Variants in ZNF577 observed in about 807,000 individuals in gnomAD.
ZNF577 encodes the protein zinc finger protein 577.
Under a neutral mutation model 13.9 loss-of-function variants are expected in ZNF577, and 14 were observed. The observed-to-expected ratio is 1.00, with a 90% CI of 0.66 to 1.57. The LOEUF (loss-of-function observed/expected upper bound fraction) is 1.57. Ranked by LOEUF, ZNF577 falls within the 40% of genes most tolerant of loss-of-function variation. ZNF577 has a pLI of 0.00. For missense variants in ZNF577, 555 were observed against 579.2 expected (o/e 0.96, Z 0.43); for synonymous variants, 203 against 202.9 (o/e 1.00, Z 0.00).
downstream of ZNF577, chr19:51,863,261 T>C (rs778889912): frequency 1.3e-5 from 2 of 152,196 alleles, no homozygotes; most frequent in Admixed American, 6.5e-5. Flanking sequence ...CCAAAAAGAA[T>C]TGGTTATAAT....
downstream of ZNF577, among the ~76,000 whole-genome samples, chr19:51,864,510 T>C (rs1568444379): frequency 6.6e-6 from 1 of 152,108 alleles, no homozygotes; most frequent in Non-Finnish European, 1.5e-5. Context: ...GAGAAAACTA[T>C]CATAATTTTG....
chr19:51,855,367 C>CTGTGTGTGTGTGTA lies in ZNF577; in HGVS notation c.284-10437_284-10436insTACACACACACACA, dbSNP rs1555745556. 1.3e-3 allele frequency among the ~76,000 whole-genome samples: 184 copies of CTGTGTGTGTGTGTA among 143,556 alleles called. 2 individuals carry two copies. Among genetic ancestry groups the CTGTGTGTGTGTGTA allele is most frequent in the African/African-American group, 4.6e-3 (175 of 38,080 alleles). 94.2% of individuals were successfully genotyped at this position (143,556 alleles called of 152,430 possible). On this transcript the variant is annotated intron_variant and NMD_transcript_variant, in intron 5 of 10. Coordinates refer to the ZNF577 transcript ENST00000638827. ...AGTTTTCCACTCTTTGCTGAGGGTG[C>CTGTGTGTGTGTGTA]TGTGTGTGTGTGTGTGTGTGTGTGT...
intron 5 of ZNF577, among the ~76,000 whole-genome samples, chr19:51,853,819 G>C (rs970108995): frequency 3.9e-5 from 6 of 152,170 alleles, no homozygotes; most frequent in African/African-American, 1.2e-4. Context: ...TTGACATCGT[G>C]AAGGTGTTGT....
At chr19:51,828,304 G>A (rs1055394065) in intron 9 of ZNF577, among the ~76,000 whole-genome samples, 1 of 151,532 alleles carries the variant, frequency 6.6e-6, no homozygotes, top group East Asian at 1.9e-4. Context: ...GGAGGTGAAG[G>A]TTGCAATGAG....
At chr19:51,884,825 T>G (rs566541559) in intron 1 of ZNF577, among the ~76,000 whole-genome samples, 2 of 152,368 alleles carry the variant, frequency 1.3e-5, no homozygotes, top group African/African-American at 4.8e-5. Context: ...CTGTGATTTT[T>G]TGAACTCAGA....
At chr19:51,879,605 A>G (rs1187131422) in intron 3 of ZNF577, among the ~76,000 whole-genome samples, 2 of 149,342 alleles carry the variant, frequency 1.3e-5, no homozygotes, top group South Asian at 2.2e-4. Context: ...TTATAATTAC[A>G]TATGTATAAG....
chr19:51,850,897 C>A (rs2084375926), intron 5 of ZNF577, among the ~76,000 whole-genome samples: 1 of 152,030 alleles, frequency 6.6e-6, no homozygotes, highest in African/African-American at 2.4e-5. Context: ...AACTAGTAAA[C>A]AAATAAAAAA....
intron 10 of ZNF577, among the ~76,000 whole-genome samples, chr19:51,809,023 T>C (rs1326180346): frequency 6.6e-6 from 1 of 152,244 alleles, no homozygotes; most frequent in African/African-American, 2.4e-5. Flanking sequence ...AGCCCTTTTC[T>C]ATCTGTTTTT....
intron 3 of ZNF577, 184 bp from the exon 4 acceptor site, chr19:51,878,699 G>A (rs1599874952): frequency 1.8e-6 from 1 of 557,080 alleles, no homozygotes; most frequent in East Asian, 2.9e-5. Flanking sequence ...GGCAGTACTA[G>A]CATAGATATG....
intron 5 of ZNF577, among the ~76,000 whole-genome samples, chr19:51,848,297 G>C (rs1257300912): frequency 6.6e-6 from 1 of 152,190 alleles, no homozygotes; most frequent in African/African-American, 2.4e-5. Flanking sequence ...CACGAAAGGT[G>C]AGGCCGTATT....
At chr19:51,855,482 G>C (rs1041968889) in intron 5 of ZNF577, among the ~76,000 whole-genome samples, 5 of 151,400 alleles carry the variant, frequency 3.3e-5, no homozygotes, top group African/African-American at 1.2e-4. Context: ...TTCAAGATCA[G>C]CTAGAAGTGA....
At chr19:51,830,816 C>T (rs764861011) in intron 9 of ZNF577, among the ~76,000 whole-genome samples, 10 of 152,154 alleles carry the variant, frequency 6.6e-5, no homozygotes, top group Admixed American at 4.6e-4. Context: ...TGCATCAATG[C>T]AGTCATCCTA....
intron 8 of ZNF577, chr19:51,840,367 G>C (rs2084313884): frequency 6.6e-6 from 1 of 152,326 alleles, no homozygotes. Context: ...TTTGGGATCT[G>C]TTGATCAAAG....
At chr19:51,880,156 GT>G (rs1336353120) in intron 3 of ZNF577, among the ~76,000 whole-genome samples, 166 bp downstream of exon 3, 1 of 152,144 alleles carries the variant, frequency 6.6e-6, no homozygotes, top group Admixed American at 6.5e-5. Context: ...GTCCAATCCA[GT>G]TTTCCTTTGG....
At chr19:51,841,195 G>A (rs2084318670) in intron 8 of ZNF577, among the ~76,000 whole-genome samples, 1 of 152,158 alleles carries the variant, frequency 6.6e-6, no homozygotes, top group Admixed American at 6.5e-5. Flanking sequence ...GCCTCATCCT[G>A]GGAACATGTC....
chr19:51,859,700 T>C (rs922266655), intron 5 of ZNF577, among the ~76,000 whole-genome samples: 4 of 152,140 alleles, frequency 2.6e-5, no homozygotes, highest in African/African-American at 9.6e-5. Context: ...ACTTACGTGG[T>C]ATAATCCTTT....
rs1379048828 is a variant in ZNF577, at chr19:51,887,320, CAAGAT to C, written c.-723_-719del. The C allele has an allele frequency of 6.6e-6, 1 of 152,160 alleles. No individual in the cohort carries two copies. The highest frequency in any genetic ancestry group is 1.9e-4 in the East Asian group (1 of 5,196). 9.4% of individuals were successfully genotyped at this position (152,160 alleles called of 1,614,324 possible). A position where few individuals can be genotyped will look rare whatever the true frequency, so the allele number is the denominator to read the frequency against. On this transcript the variant is annotated 5_prime_UTR_variant, in exon 1 of 6. An upstream open reading frame in the 5' UTR loses its in-frame stop. Transcript: ENST00000638348. ...ATGTAATATGGGAATACGAAGTTGA[CAAGAT>C]GTTATTAAAGACGAATAAAATTATA... is the stretch of plus-strand genomic sequence containing the variant.
rs74256617 is a variant in ZNF577 at position 51,868,710 on chromosome 19, T to C, written c.*3822A>G. On this transcript the variant is annotated 3_prime_UTR_variant, in exon 6 of 6. Coordinates refer to ENST00000638348, the MANE Select transcript of ZNF577 (RefSeq NM_001370449.1). ...CCCAGATAGAATTCACTCATGTGTG[T>C]GGGGGAAAGAAAGATAGATCAGACT... 1.3e-5 allele frequency among the ~76,000 whole-genome samples: 2 copies of C among 152,060 alleles called. No individual in the cohort carries two copies. The highest frequency in any genetic ancestry group is 2.9e-5 in the Non-Finnish European group (2 of 68,026).
At chr19:51,830,746 T>C (rs193235941) in intron 9 of ZNF577, among the ~76,000 whole-genome samples, 2 of 152,292 alleles carry the variant, frequency 1.3e-5, no homozygotes, top group Admixed American at 1.3e-4. Flanking sequence ...GACTGGCTCT[T>C]TTCTGACTTT....
Sources: allele counts gnomAD v4.1 joint callset (sites outside exome capture counted in the v4.1 genomes callset), GRCh38; gene constraint gnomAD v4.1.1; transcripts MANE v1.5; gene names NCBI Gene and HGNC (gene_info 2026-07-23, HGNC 2026-07-21).